The following HDAC4 variants were observed in gnomAD, a reference collection of about 807,000 sequenced individuals.
HDAC4 encodes the protein histone deacetylase 4.
Under a neutral mutation model 135.1 loss-of-function variants are expected in HDAC4, and 16 were observed. The ratio of observed to expected loss-of-function variants is 0.12; its 90% CI spans 0.08 to 0.18. The LOEUF (loss-of-function observed/expected upper bound fraction) is 0.18. Among genes scored for constraint, HDAC4 ranks in the 10% least tolerant of loss-of-function variants. The probability of loss-of-function intolerance (pLI) is 1.00; values close to 1 mark genes in which losing one functional copy is unlikely to be tolerated. For missense variants in HDAC4, 1,143 were observed against 1,511.8 expected, an observed-to-expected ratio of 0.76 and a Z score of 4.05; for synonymous variants, 685 against 653.4, an observed-to-expected ratio of 1.05 and a Z score of -0.74.
At chr2:239,082,998 C>T (rs1159197148) in intron 20 of HDAC4, among the ~76,000 whole-genome samples, 1 of 152,240 alleles carries the variant, frequency 6.6e-6, no homozygotes, top group Non-Finnish European at 1.5e-5. Flanking sequence ...GTTATCTGTG[C>T]TCATCACAGA....
At chr2:239,230,143 G>A (rs1012897772) in intron 3 of HDAC4, among the ~76,000 whole-genome samples, 2 of 152,006 alleles carry the variant, frequency 1.3e-5, no homozygotes, top group African/African-American at 2.4e-5. Flanking sequence ...GGGCCTGAAC[G>A]CCAAAAGGAG....
intron 2 of HDAC4, among the ~76,000 whole-genome samples, chr2:239,273,641 C>T (rs558935739): frequency 1.3e-4 from 20 of 152,284 alleles, no homozygotes; most frequent in African/African-American, 3.9e-4. Context: ...CCCGGTCCGG[C>T]GCAGGCTCCA....
At position 239,245,459 on chromosome 2, in the gene HDAC4, T is replaced by C. The variant is rs1217611091; in HGVS notation, c.23-8795A>G. 2.6e-5 allele frequency among the ~76,000 whole-genome samples: 4 copies of C among 152,254 alleles called. No individual in the cohort carries two copies. Among genetic ancestry groups the C allele is most frequent in the Non-Finnish European group, 1.5e-5 (1 of 68,002 alleles). The stretch of plus-strand genomic sequence containing the variant: ...TAAGACAACCAGTAAAAATTAAACA[T>C]CGTTTGGGTATAAGATGATATGTAG... On this transcript the variant is annotated intron_variant, in intron 2 of 26. Transcript: ENST00000543185. This position sits in a 1 kb window ranked among gnomAD's most constrained non-coding sequence, Gnocchi z 4.4.
chr2:239,156,185 G>A (rs772232652), intron 7 of HDAC4, among the ~76,000 whole-genome samples: 18 of 152,158 alleles, frequency 1.2e-4, no homozygotes, highest in Admixed American at 2.6e-4. Flanking sequence ...AGGACATAGC[G>A]AATTTCTTTC....
At chr2:239,092,290 G>C (rs2036593673) in intron 17 of HDAC4, among the ~76,000 whole-genome samples, 1 of 151,650 alleles carries the variant, frequency 6.6e-6, no homozygotes, top group South Asian at 2.1e-4. Context: ...GCAGGAGTGA[G>C]AGCTGGGCAG....
At chr2:239,359,913 C>G (rs1432297328) in intron 1 of HDAC4, among the ~76,000 whole-genome samples, 1 of 152,190 alleles carries the variant, frequency 6.6e-6, no homozygotes, top group South Asian at 2.1e-4. Flanking sequence ...GGCGAGAACA[C>G]AGAGTACTTG....
chr2:239,085,622 G>C (rs545004119), intron 19 of HDAC4, among the ~76,000 whole-genome samples: 32 of 152,384 alleles, frequency 2.1e-4, no homozygotes, highest in African/African-American at 7.7e-4. Context: ...CCAAGTGACT[G>C]TTCTGGGATG....
intron 2 of HDAC4, among the ~76,000 whole-genome samples, chr2:239,280,272 C>T (rs1251906415): frequency 6.6e-6 from 1 of 152,216 alleles, no homozygotes; most frequent in African/African-American, 2.4e-5. Context: ...GCGAGTGCCT[C>T]GTACTCCCGA....
At chr2:239,337,914 A>G (rs1692049241) in intron 2 of HDAC4, among the ~76,000 whole-genome samples, 1 of 152,128 alleles carries the variant, frequency 6.6e-6, no homozygotes, top group African/African-American at 2.4e-5. Context: ...GTTTTTGTAC[A>G]CTGCTATCTC....
chr2:239,179,743 C>T (rs868594286), intron 4 of HDAC4, among the ~76,000 whole-genome samples: 4 of 152,340 alleles, frequency 2.6e-5, no homozygotes, highest in Middle Eastern at 3.4e-3. Context: ...AGAGGCAACC[C>T]CGACAGAGTA....
chr2:239,076,254 C>T lies in HDAC4; in HGVS notation c.2750+4841G>A, dbSNP rs142812622. 6.6e-3 allele frequency among the ~76,000 whole-genome samples: 1,007 copies of T among 151,706 alleles called. 6 individuals carry two copies. Among genetic ancestry groups the T allele is most frequent in the African/African-American group, 0.023 (942 of 41,364 alleles). On this transcript the variant is annotated intron_variant, in intron 22 of 26. Transcript: ENST00000543185. ...CTTCCCAGGGGGAACAGAGCTGGAC[C>T]GGGACAGCAGGCAGGGTGCCGGCCA...
At chr2:239,103,375 G>A (rs1325384992) in intron 15 of HDAC4, among the ~76,000 whole-genome samples, 3 of 152,192 alleles carry the variant, frequency 2.0e-5, no homozygotes, top group Non-Finnish European at 4.4e-5. Flanking sequence ...TGTCCTGGAT[G>A]GCTAGCTGGC....
At chr2:239,079,468 C>A (rs534288718) in intron 22 of HDAC4, among the ~76,000 whole-genome samples, 12 of 152,232 alleles carry the variant, frequency 7.9e-5, no homozygotes, top group African/African-American at 2.9e-4. Context: ...GGGAGGGGGG[C>A]CCACGTGTCC....
At chr2:239,391,784 G>A (rs948489338) in intron 1 of HDAC4, among the ~76,000 whole-genome samples, 6 of 152,208 alleles carry the variant, frequency 3.9e-5, no homozygotes, top group African/African-American at 9.7e-5. Context: ...ACACCCACGA[G>A]AGCACCGAGG....
At chr2:239,401,103 G>A (rs982001821), upstream of HDAC4, 11 of 151,914 alleles carry the variant, frequency 7.2e-5, no homozygotes, top group African/African-American at 2.7e-4. Context: ...GGCTGCGGCA[G>A]CCTTGCGTCA....
intron 3 of HDAC4, among the ~76,000 whole-genome samples, chr2:239,206,852 A>G (rs2046077435): frequency 6.6e-6 from 1 of 152,214 alleles, no homozygotes; most frequent in African/African-American, 2.4e-5. Context: ...ATCTGCTAAT[A>G]ATAAAGAATG....
intron 17 of HDAC4, chr2:239,094,138 C>T (rs1166109625): frequency 1.0e-6 from 1 of 985,362 alleles, no homozygotes; most frequent in African/African-American, 1.7e-5. Context: ...TCCCGTCCTC[C>T]CTGCCTGTAA....
At chr2:239,153,280 C>T (rs1166061335) in intron 7 of HDAC4, among the ~76,000 whole-genome samples, 2 of 152,180 alleles carry the variant, frequency 1.3e-5, no homozygotes, top group African/African-American at 4.8e-5. Context: ...CATACAATTG[C>T]CCTTTAGAGA....
At chr2:239,185,062 A>T (rs1474029367) in intron 4 of HDAC4, among the ~76,000 whole-genome samples, 1 of 104,788 alleles carries the variant, frequency 9.5e-6, no homozygotes, top group African/African-American at 3.2e-5. Flanking sequence ...CCTGCCCTGG[A>T]GGCTGTGCCC....
Sources: allele counts gnomAD v4.1 joint callset (sites outside exome capture counted in the v4.1 genomes callset), GRCh38; gene constraint gnomAD v4.1.1; non-coding constraint Gnocchi (gnomAD v3.1); transcripts MANE v1.5; gene names NCBI Gene and HGNC (gene_info 2026-07-23, HGNC 2026-07-21).